Variants in RTN4 observed in about 807,000 individuals in gnomAD.
RTN4 encodes the protein reticulon-4.
Under a neutral mutation model 90.4 loss-of-function variants are expected in RTN4, and 32 were observed. The observed-to-expected ratio is 0.35, with a 90% CI of 0.27 to 0.48. RTN4 has a LOEUF of 0.48. RTN4 is among the 20% of genes least tolerant of loss of function. The probability of loss-of-function intolerance (pLI) is 0.99; values close to 1 mark genes in which losing one functional copy is unlikely to be tolerated. For synonymous variants in RTN4, 629 were observed against 552.5 expected (o/e 1.14, Z -1.94); for missense variants, 1,706 against 1,430.2 (o/e 1.19, Z -3.11).
chr2:54,978,975 C>T (rs1677894573), intron 5 of RTN4, among the ~76,000 whole-genome samples: 1 of 151,978 alleles, frequency 6.6e-6, no homozygotes, highest in South Asian at 2.1e-4. Context: ...ATATAACTTT[C>T]CCTACCAGTT....
At chr2:55,086,781 A>G (rs1164861681) in intron 1 of RTN4, among the ~76,000 whole-genome samples, 2 of 151,452 alleles carry the variant, frequency 1.3e-5, no homozygotes, top group African/African-American at 2.4e-5. Flanking sequence ...CACCATCCAG[A>G]TATCTTTCAC....
In RTN4 at chr2:54,982,541, C is replaced by T. The variant is rs202003557; in HGVS notation, c.3334G>A (p.Val1112Ile). 2 of 1,612,370 alleles carry T rather than the reference C, an allele frequency of 1.2e-6. No individual in the cohort carries two copies. Among genetic ancestry groups the T allele is most frequent in the South Asian group, 2.2e-5 (2 of 90,490 alleles). Reference sequence around the variant, plus strand: ...TTCAGAGAATCAACTAAATCATCAACTAAGAAGAGGCGCCTGAGTTCCTTT... The same window carrying T: ...TTCAGAGAATCAACTAAATCATCAATTAAGAAGAGGCGCCTGAGTTCCTTT... ...TIKELRRLFL[V>I]DDLVDSLKFA... Residue 1112 changes from valine to isoleucine, a missense_variant, in exon 5 of 9, where the codon GTT (valine) becomes ATT (isoleucine). Coordinates refer to ENST00000337526, the MANE Select transcript of RTN4 (RefSeq NM_020532.5).
intron 2 of RTN4, among the ~76,000 whole-genome samples, chr2:55,077,522 T>A (rs1190938530): frequency 6.6e-6 from 1 of 152,136 alleles, no homozygotes; most frequent in East Asian, 1.9e-4. Context: ...TTGGTGGGAA[T>A]GAAAACTAGT....
At chr2:55,036,453 T>A (rs1573445105) in intron 1 of RTN4, among the ~76,000 whole-genome samples, 1 of 151,712 alleles carries the variant, frequency 6.6e-6, no homozygotes, top group East Asian at 1.9e-4. Flanking sequence ...AATACAAAAA[T>A]CACCCAGGTG....
At chr2:55,053,054 TAGC>T (rs1221765595), upstream of RTN4, among the ~76,000 whole-genome samples, 1 of 152,182 alleles carries the variant, frequency 6.6e-6, no homozygotes, top group African/African-American at 2.4e-5. Flanking sequence ...TAATAGGAAA[TAGC>T]AGTTAATATT....
intron 1 of RTN4, 38 bp from the exon 2 acceptor site, chr2:55,028,258 A>T (rs1380212067): frequency 1.1e-5 from 17 of 1,580,228 alleles, no homozygotes; most frequent in South Asian, 2.3e-5. Flanking sequence ...GCAGAAATAA[A>T]GACAGATTGA....
At chr2:55,000,930 T>G (rs921867274) in intron 3 of RTN4, among the ~76,000 whole-genome samples, 7 of 152,124 alleles carry the variant, frequency 4.6e-5, no homozygotes, top group African/African-American at 1.7e-4. Flanking sequence ...ATGTTTTGTT[T>G]AAATTGTTTT....
At chr2:55,120,737 G>A in the RTN4 span, among the ~76,000 whole-genome samples, 1 of 152,114 alleles carries the variant, frequency 6.6e-6, no homozygotes, top group Non-Finnish European at 1.5e-5. Context: ...AAGGAGACAT[G>A]CCATCTCCAG....
intron 3 of RTN4, among the ~76,000 whole-genome samples, chr2:54,991,764 C>G (rs1320160518): frequency 6.6e-6 from 1 of 152,116 alleles, no homozygotes; most frequent in African/African-American, 2.4e-5. Flanking sequence ...TTTATTCATA[C>G]CAGTCTTCTG....
chr2:55,090,754 T>G (rs1668921515), intron 1 of RTN4, among the ~76,000 whole-genome samples: 1 of 152,134 alleles, frequency 6.6e-6, no homozygotes. Context: ...ATCTAATAAG[T>G]AACTCCCATT....
chr2:55,110,214 G>A (rs928868144), intron 1 of RTN4, among the ~76,000 whole-genome samples: 1 of 151,700 alleles, frequency 6.6e-6, no homozygotes, highest in African/African-American at 2.4e-5. Flanking sequence ...GTGAGGCTGA[G>A]GTGGGAGGAT....
intron 3 of RTN4, among the ~76,000 whole-genome samples, chr2:55,002,910 C>T (rs1439466416): frequency 6.6e-6 from 1 of 152,058 alleles, no homozygotes; most frequent in Non-Finnish European, 1.5e-5. Context: ...TAAATAGAAA[C>T]CTAAAATTAG....
intron 3 of RTN4, among the ~76,000 whole-genome samples, chr2:55,003,075 T>C (rs1470224816): frequency 6.6e-6 from 1 of 152,136 alleles, no homozygotes; most frequent in African/African-American, 2.4e-5. Context: ...ATGGAAAACA[T>C]ACTGTCCCGT....
At chr2:55,064,507 C>T (rs1668357026) in intron 2 of RTN4, among the ~76,000 whole-genome samples, 1 of 152,044 alleles carries the variant, frequency 6.6e-6, no homozygotes, top group African/African-American at 2.4e-5. Flanking sequence ...CCTGCCACGA[C>T]ACCCAGCTAA....
chr2:55,001,315 T>C (rs1421944758), intron 3 of RTN4, among the ~76,000 whole-genome samples: 1 of 152,142 alleles, frequency 6.6e-6, no homozygotes, highest in Non-Finnish European at 1.5e-5. Context: ...CATACTCCTT[T>C]CCCCACATAA....
At chr2:55,034,077 C>G (rs1438416746) in intron 1 of RTN4, among the ~76,000 whole-genome samples, 1 of 152,188 alleles carries the variant, frequency 6.6e-6, no homozygotes. Context: ...TGACAAGAGG[C>G]TTACAGGAGC....
intron 2 of RTN4, among the ~76,000 whole-genome samples, chr2:55,067,709 T>C (rs1375805664): frequency 6.6e-6 from 1 of 152,120 alleles, no homozygotes; most frequent in African/African-American, 2.4e-5. Context: ...GCCCCACACC[T>C]GGCCCCATAT....
At chr2:55,114,865 C>G (rs1477350675), upstream of RTN4, among the ~76,000 whole-genome samples, 1 of 152,068 alleles carries the variant, frequency 6.6e-6, no homozygotes, top group Admixed American at 6.6e-5. Flanking sequence ...ATTCATCTCC[C>G]CTTGTCAGTC....
chr2:55,129,866 G>A, the RTN4 span, among the ~76,000 whole-genome samples: 9 of 151,972 alleles, frequency 5.9e-5, no homozygotes, highest in South Asian at 2.1e-4. Context: ...CGGTCAACTC[G>A]TCTTTTAAAA....
Sources: allele counts gnomAD v4.1 joint callset (sites outside exome capture counted in the v4.1 genomes callset), GRCh38; gene constraint gnomAD v4.1.1; transcripts MANE v1.5; gene names NCBI Gene and HGNC (gene_info 2026-07-23, HGNC 2026-07-21).